The following TIAM1 variants were observed in gnomAD, a reference collection of about 807,000 sequenced individuals.
The protein encoded by TIAM1 is TIAM Rac1 associated GEF 1, also known as rho guanine nucleotide exchange factor TIAM1.
In TIAM1, 65 loss-of-function variants were observed where a neutral mutation model predicts 163.5. That is an observed-to-expected ratio of 0.40 (90% confidence interval 0.33 to 0.49). TIAM1 has a LOEUF of 0.49. Ranked by LOEUF, TIAM1 falls within the 20% of genes least tolerant of loss-of-function variation. The pLI, the probability that TIAM1 is intolerant of heterozygous loss-of-function variation, is 0.77. For missense variants in TIAM1, 1,789 were observed against 2,044.7 expected (o/e 0.87, Z 2.41); for synonymous variants, 833 against 810.1 (o/e 1.03, Z -0.48).
At chr21:31,478,583 G>A (rs1216038387) in intron 1 of TIAM1, among the ~76,000 whole-genome samples, 13 of 152,134 alleles carry the variant, frequency 8.5e-5, no homozygotes, top group Non-Finnish European at 1.9e-4. Context: ...ACCAGCCAAC[G>A]TGTCCACAAT....
At chr21:31,139,676 A>G (rs2082758315) in intron 22 of TIAM1, among the ~76,000 whole-genome samples, 1 of 152,152 alleles carries the variant, frequency 6.6e-6, no homozygotes, top group Non-Finnish European at 1.5e-5. Context: ...GGCAACCTTC[A>G]TCTTTTCTAT....
At chr21:31,489,609 G>T (rs1312297311) in intron 1 of TIAM1, among the ~76,000 whole-genome samples, 4 of 151,806 alleles carry the variant, frequency 2.6e-5, no homozygotes, top group African/African-American at 9.7e-5. Context: ...GCCACCCTGG[G>T]TCTCTTGGAC....
chr21:31,376,955 T>C (rs2076697203), intron 2 of TIAM1, among the ~76,000 whole-genome samples: 2 of 151,336 alleles, frequency 1.3e-5, no homozygotes, highest in Non-Finnish European at 2.9e-5. Flanking sequence ...GCCTCCCGGG[T>C]TCAAGCAATT....
At chr21:31,181,753 CTTCTTTTTTTTTTTTTTTTTTTTTTTTTT>C (rs2085029849) in intron 15 of TIAM1, among the ~76,000 whole-genome samples, 3 of 39,438 alleles carry the variant, frequency 7.6e-5, no homozygotes, top group African/African-American at 1.5e-4. Context: ...TCTTCTTCTT[CTTCTTTTTTTTTTTTTTTTTTTTTTTTTT>C]TTTTTTTTTT....
At chr21:31,190,033 A>G (rs551152793) in intron 13 of TIAM1, among the ~76,000 whole-genome samples, 1 of 152,340 alleles carries the variant, frequency 6.6e-6, no homozygotes, top group South Asian at 2.1e-4. Context: ...GAAGGCTGTT[A>G]GCTTCAAATA....
At chr21:31,344,888 C>T (rs1265660279), upstream of TIAM1, among the ~76,000 whole-genome samples, 1 of 152,296 alleles carries the variant, frequency 6.6e-6, no homozygotes. Context: ...TCTTTCCTTC[C>T]CCCTGGAAAG....
At chr21:31,463,592 C>T (rs777087925) in intron 2 of TIAM1, among the ~76,000 whole-genome samples, 1 of 151,946 alleles carries the variant, frequency 6.6e-6, no homozygotes, top group African/African-American at 2.4e-5. Context: ...CCGAGGCAGA[C>T]GGATCACCTG....
At chr21:31,210,647 AAGAAAGAAAGAAAGAAAGAAAAAGAAAG>A (rs2086736617) in intron 10 of TIAM1, among the ~76,000 whole-genome samples, 1 of 25,396 alleles carries the variant, frequency 3.9e-5, no homozygotes, top group African/African-American at 1.9e-4. Flanking sequence ...GAAAGAAAGA[AAGAAAGAAAGAAAGAAAGAAAAAGAAAG>A]AAAGAAAGAA....
chr21:31,395,773 G>A lies in TIAM1; in HGVS notation c.-368-56351C>T, dbSNP rs932376251. Reference sequence around the variant, plus strand: ...AAATTGGGGAGGTTATTAAAAGGACGTGAGATGCATGGAATTAATGAACAA... The same window carrying A: ...AAATTGGGGAGGTTATTAAAAGGACATGAGATGCATGGAATTAATGAACAA... On this transcript the variant is annotated intron_variant, in intron 2 of 28. Transcript: ENST00000286827. The surrounding 1 kb of genome is among the most constrained non-coding windows in gnomAD (Gnocchi z 7.5). Among the ~76,000 whole-genome samples, 17 of 152,156 alleles carry A rather than the reference G, an allele frequency of 1.1e-4. No homozygotes were observed. The highest frequency in any genetic ancestry group is 2.1e-4 in the South Asian group (1 of 4,816).
At chr21:31,354,435 T>C (rs1394394826) in intron 2 of TIAM1, among the ~76,000 whole-genome samples, 1 of 152,112 alleles carries the variant, frequency 6.6e-6, no homozygotes, top group Non-Finnish European at 1.5e-5. Flanking sequence ...AATGTATTCC[T>C]GGGGCCCTTT....
At chr21:31,413,915 C>A (rs962446178) in intron 2 of TIAM1, among the ~76,000 whole-genome samples, 2 of 152,154 alleles carry the variant, frequency 1.3e-5, no homozygotes, top group Admixed American at 6.5e-5. Context: ...GGGGTTACGT[C>A]ACCTGCACAA....
At chr21:31,392,216 C>A (rs1346135643) in intron 2 of TIAM1, among the ~76,000 whole-genome samples, 1 of 152,158 alleles carries the variant, frequency 6.6e-6, no homozygotes, top group Non-Finnish European at 1.5e-5. Context: ...TACTCCCATT[C>A]TCAGAAGCCA....
In TIAM1 at chr21:31,178,940, G is replaced by A. The variant is rs551811847; in HGVS notation, c.2887+3481C>T. 6.9e-4 allele frequency among the ~76,000 whole-genome samples: 104 copies of A among 151,098 alleles called. 1 individual carries two copies. The highest frequency in any genetic ancestry group is 3.6e-3 in the Middle Eastern group (1 of 280). On this transcript the variant is annotated intron_variant, in intron 15 of 27. Coordinates refer to ENST00000541036, the MANE Select transcript of TIAM1 (RefSeq NM_001353694.2). Reference sequence around the variant, plus strand: ...CTAATTTTGTATTTTTAGTAGAGACGGGGTTTCTCCATGTTGGTCAGGCTG... The same window carrying A: ...CTAATTTTGTATTTTTAGTAGAGACAGGGTTTCTCCATGTTGGTCAGGCTG...
chr21:31,442,070 A>AATATATATATATATAT (rs138822110), intron 2 of TIAM1, among the ~76,000 whole-genome samples: 3,700 of 53,108 alleles, frequency 0.07, 705 homozygotes, highest in South Asian at 0.15. Flanking sequence ...CAAATAAATA[A>AATATATATATATATAT]ATATATATAT....
At chr21:31,348,100 T>A (rs201980113), upstream of TIAM1, among the ~76,000 whole-genome samples, 1 of 128,872 alleles carries the variant, frequency 7.8e-6, no homozygotes, top group Admixed American at 8.7e-5. Context: ...TTGCTCACTC[T>A]CTCTCTCTAT....
chr21:31,473,247 G>A (rs1039551154), intron 1 of TIAM1, among the ~76,000 whole-genome samples: 4 of 151,986 alleles, frequency 2.6e-5, no homozygotes, highest in Non-Finnish European at 5.9e-5. Context: ...GGCTAACACG[G>A]TGAAACCCCA....
chr21:31,440,709 C>T (rs938724199), intron 2 of TIAM1, among the ~76,000 whole-genome samples: 3 of 152,074 alleles, frequency 2.0e-5, no homozygotes, highest in East Asian at 1.9e-4. Context: ...GGTGAAACCC[C>T]GTCTCTACTA....
chr21:31,557,500 A>G (rs1168917244), intron 1 of TIAM1, among the ~76,000 whole-genome samples: 2 of 152,212 alleles, frequency 1.3e-5, no homozygotes, highest in African/African-American at 4.8e-5. Flanking sequence ...ACAGGAAGAT[A>G]GAATAGCTCG....
At chr21:31,383,012 G>T (rs931297714) in intron 2 of TIAM1, among the ~76,000 whole-genome samples, 1 of 152,122 alleles carries the variant, frequency 6.6e-6, no homozygotes. Context: ...GGCCAAGGCG[G>T]GAAGATCACC....
Sources: gnomAD v4.1 joint callset for allele counts (sites outside exome capture counted in the v4.1 genomes callset) on GRCh38, gnomAD v4.1.1 for gene constraint, Gnocchi (gnomAD v3.1) non-coding constraint, MANE v1.5 for transcripts, NCBI Gene and HGNC (gene_info 2026-07-23, HGNC 2026-07-21) for gene names.